DNAH2: variants seen among roughly 807,000 people sequenced by gnomAD.
DNAH2 encodes the protein dynein axonemal heavy chain 2.
Under a neutral mutation model 523.5 loss-of-function variants are expected in DNAH2, and 323 were observed. That is an observed-to-expected ratio of 0.62 (90% CI 0.56 to 0.68). The LOEUF is 0.68. Among genes scored for constraint, DNAH2 ranks in the 30% least tolerant of loss-of-function variants. DNAH2 has a pLI of 0.00. For missense variants in DNAH2, 4,907 were observed against 5,701.5 expected (o/e 0.86, Z 4.49); for synonymous variants, 2,093 against 2,177.4 (o/e 0.96, Z 1.08).
rs745374212 is a variant in DNAH2, at chr17:7,718,786, A to C, written c.-28A>C. 1 of 152,814 alleles carries C rather than the reference A, an allele frequency of 6.5e-6. No homozygotes were observed. The highest frequency in any genetic ancestry group is 1.5e-5 in the Non-Finnish European group (1 of 68,092). 9.5% of individuals were successfully genotyped at this position (152,814 alleles called of 1,614,324 possible). ...GTGTTCCTGCCCCTCAGGACTTCAA[A>C]GCGATAGACCCAGGTGGCAAATACT... On this transcript the variant is annotated 5_prime_UTR_variant, in exon 1 of 86. Transcript: ENST00000572933.
chr17:7,759,949 A>T lies in DNAH2; in HGVS notation c.2785+11A>T. The T allele has an allele frequency of 6.2e-7, 1 of 1,614,194 alleles. No homozygotes were observed. Among genetic ancestry groups the T allele is most frequent in the Non-Finnish European group, 8.5e-7 (1 of 1,180,034 alleles). On this transcript the variant is annotated intron_variant, in intron 17 of 85. Transcript: ENST00000572933. ...TCCAAACAGTTGTGGGTGAGTGGGC[A>T]ACGGGGAGGGCACAAGGCACAGGGT... is the stretch of plus-strand genomic sequence containing the variant.
chr17:7,770,136 C>G (rs2076275516), intron 24 of DNAH2, 116 bp from the exon 25 acceptor site: 1 of 1,377,238 alleles, frequency 7.3e-7, no homozygotes, highest in African/African-American at 1.4e-5. Context: ...GCCTGTTTAG[C>G]AAAATGAGTT....
intron 39 of DNAH2, among the ~76,000 whole-genome samples, chr17:7,784,732 C>T (rs899851748): frequency 6.6e-6 from 1 of 152,092 alleles, no homozygotes; most frequent in African/African-American, 2.4e-5. Flanking sequence ...TGCTATCAGG[C>T]AAAGCAGACT....
Position 7,792,287 on chromosome 17 carries a change from A to G in DNAH2, c.7089A>G (p.Ile2363Met). The change falls in exon 46 of 86, where the codon ATA becomes ATG. Residue 2363 changes from isoleucine to methionine, a missense_variant. By Grantham distance (10) the Ile-to-Met change is conservative. Coordinates refer to ENST00000572933, the MANE Select transcript of DNAH2 (RefSeq NM_020877.5). ...ATGAGTATTTTGTGGACCCCAAAAT[A>G]CGGAGTTGGACATCATTTGAGGACA... ...TVYEYFVDPK[I>M]RSWTSFEDKL... 2 of 1,614,088 alleles carry G rather than the reference A, an allele frequency of 1.2e-6. No individual in the cohort carries two copies. The highest frequency in any genetic ancestry group is 1.7e-6 in the Non-Finnish European group (2 of 1,180,010).
chr17:7,818,891 C>T (rs756440962), intron 70 of DNAH2, 28 bp from the exon 71 acceptor site: 2 of 1,608,506 alleles, frequency 1.2e-6, no homozygotes, highest in African/African-American at 1.3e-5. Context: ...TAACCCCTTG[C>T]TCCATGTGCC....
intron 63 of DNAH2, among the ~76,000 whole-genome samples, chr17:7,814,799 G>A (rs939335816): frequency 1.5e-4 from 23 of 152,222 alleles, no homozygotes; most frequent in African/African-American, 5.3e-4. Flanking sequence ...GCGGTGAGGT[G>A]AGATGTGCCA....
intron 63 of DNAH2, among the ~76,000 whole-genome samples, chr17:7,815,397 C>G (rs1597748134): frequency 6.6e-6 from 1 of 152,338 alleles, no homozygotes; most frequent in East Asian, 1.9e-4. Context: ...CGTGTAAATG[C>G]TATGTGTAAT....
intron 77 of DNAH2, 25 bp downstream of exon 77, chr17:7,824,752 TC>T: frequency 6.8e-7 from 1 of 1,473,972 alleles, no homozygotes. Context: ...AGAACCAGCA[TC>T]ATCAGGGCCA....
rs2076561083 is a variant in DNAH2, at chr17:7,780,047, T to G, written c.5723-110T>G. 7.1e-7 allele frequency: 1 copy of G among 1,409,766 alleles called. No individual in the cohort carries two copies. Among genetic ancestry groups the G allele is most frequent in the Non-Finnish European group, 9.7e-7 (1 of 1,035,868 alleles). The allele number at this position is 1,409,766 out of a possible 1,614,324, so 87.3% of individuals were successfully genotyped here. On this transcript the variant is annotated intron_variant, in intron 36 of 85. Coordinates refer to ENST00000572933, the MANE Select transcript of DNAH2 (RefSeq NM_020877.5). This position sits in a 1 kb window ranked among gnomAD's most constrained non-coding sequence, Gnocchi z 4.4. ...GTGGTCTTGGAGTTGGAGAGAAAGTTAGGGATGGAGTTAGGGTGGGAGAAA... is the reference window on the plus strand; with the variant it reads ...GTGGTCTTGGAGTTGGAGAGAAAGTGAGGGATGGAGTTAGGGTGGGAGAAA...
chr17:7,717,812 GGGAGGGTCAGCGT>G lies in DNAH2; in HGVS notation c.-999_-987del, dbSNP rs1334711246. 6.6e-6 allele frequency: 1 copy of G among 152,580 alleles called. No individual in the cohort carries two copies. Among genetic ancestry groups the G allele is most frequent in the African/African-American group, 2.4e-5 (1 of 41,456 alleles). 9.5% of individuals were successfully genotyped at this position (152,580 alleles called of 1,614,324 possible). A position where few individuals can be genotyped will look rare whatever the true frequency, so the allele number is the denominator to read the frequency against. ...GTGGCCCATCGGTCGGTCTAGGGAG[GGGAGGGTCAGCGT>G]GGCAAGGTGTGTGTCGGGGGCAGAG... On this transcript the variant is annotated 5_prime_UTR_variant, in exon 1 of 86. Transcript: ENST00000572933.
intron 8 of DNAH2, chr17:7,738,063 T>C (rs1281333656): frequency 9.9e-6 from 7 of 703,630 alleles, no homozygotes; most frequent in Non-Finnish European, 1.8e-5. Context: ...CAAGGCTGCA[T>C]TCTCTGTTGT....
chr17:7,729,989 A>G (rs1482721033), intron 4 of DNAH2, among the ~76,000 whole-genome samples: 1 of 152,210 alleles, frequency 6.6e-6, no homozygotes, highest in Non-Finnish European at 1.5e-5. Flanking sequence ...AAGAAATTGC[A>G]TGGTAACTGC....
In DNAH2 at chr17:7,740,449, T is replaced by C; in HGVS notation, c.1406T>C (p.Val469Ala). The C allele has an allele frequency of 1.9e-6, 3 of 1,614,044 alleles. No homozygotes were observed. The highest frequency in any genetic ancestry group is 2.2e-5 in the South Asian group (2 of 91,088). The change falls in exon 10 of 86, where the codon GTG (valine) becomes GCG (alanine). Residue 469 changes from valine (V) to alanine (A), a missense_variant. By Grantham distance (64) the Val-to-Ala change is moderately conservative. Around this residue, in one of 3 missense-constraint regions of DNAH2, gnomAD observed 2,806 missense variants for 3,190.8 expected, o/e 0.88. Coordinates refer to ENST00000572933, the MANE Select transcript of DNAH2 (RefSeq NM_020877.5). Reference protein sequence around the residue: ...KFRAGIKDLEVMTQNLITSAF... With the variant: ...KFRAGIKDLEAMTQNLITSAF... ...CGTGCCGGAATCAAGGACCTGGAGG[T>C]GATGACCCAGAACCTGATCACCTCA...
intron 58 of DNAH2, among the ~76,000 whole-genome samples, chr17:7,802,622 G>A (rs1239722900): frequency 1.3e-5 from 2 of 152,074 alleles, no homozygotes; most frequent in Non-Finnish European, 2.9e-5. Flanking sequence ...ATAATGACAA[G>A]AAGAAAAAGT....
chr17:7,726,688 T>C (rs1229039388), intron 3 of DNAH2, among the ~76,000 whole-genome samples: 1 of 152,148 alleles, frequency 6.6e-6, no homozygotes, highest in Non-Finnish European at 1.5e-5. Flanking sequence ...TTTACACTTC[T>C]TTTGGACTCC....
rs188674348 is a variant in DNAH2 at position 7,767,066 on chromosome 17, G to A, written c.3675+585G>A. Among the ~76,000 whole-genome samples the A allele has an allele frequency of 4.8e-3, 727 of 151,942 alleles. 9 individuals are homozygous for A. The highest frequency in any genetic ancestry group is 0.017 in the African/African-American group (685 of 41,392). Reference sequence around the variant, plus strand: ...AAACTCTGCCCATTAGCAGTCACGTGCATCCCCCGTCCCCCGCCCCAGTCC... The same window carrying A: ...AAACTCTGCCCATTAGCAGTCACGTACATCCCCCGTCCCCCGCCCCAGTCC... On this transcript the variant is annotated intron_variant, in intron 22 of 85. Coordinates refer to ENST00000572933, the MANE Select transcript of DNAH2 (RefSeq NM_020877.5).
rs1369365565 is a variant in DNAH2, at chr17:7,760,360, A to G, written c.2786-380A>G. Among the ~76,000 whole-genome samples the G allele has an allele frequency of 6.9e-6, 1 of 144,498 alleles. No individual in the cohort carries two copies. Among genetic ancestry groups the G allele is most frequent in the Admixed American group, 6.9e-5 (1 of 14,450 alleles). 94.8% of individuals were successfully genotyped at this position (144,498 alleles called of 152,430 possible). ...TGGGTGACAGAGTGAGACTCCATCT[A>G]AAAAAAAAAACAAAAACAGGGGGGC... On this transcript the variant is annotated intron_variant, in intron 17 of 85. Coordinates refer to ENST00000572933, the MANE Select transcript of DNAH2 (RefSeq NM_020877.5). This position sits in a 1 kb window ranked among gnomAD's most constrained non-coding sequence, Gnocchi z 4.0.
chr17:7,758,046 TAAA>T (rs1292983797), intron 13 of DNAH2, among the ~76,000 whole-genome samples: 1 of 152,212 alleles, frequency 6.6e-6, no homozygotes, highest in Non-Finnish European at 1.5e-5. Flanking sequence ...TCAGCCCAGT[TAAA>T]GTCCAAGGAG....
At chr17:7,775,078 G>C (rs921065771) in intron 29 of DNAH2, 102 bp downstream of exon 29, 49 of 1,296,476 alleles carry the variant, frequency 3.8e-5, no homozygotes, top group Non-Finnish European at 5.0e-5. Flanking sequence ...GGAGGGCCAT[G>C]TTAATTAATG....
Sources: allele counts gnomAD v4.1 joint callset (sites outside exome capture counted in the v4.1 genomes callset), GRCh38; gene constraint gnomAD v4.1.1; regional missense constraint gnomAD v4.1.1; non-coding constraint Gnocchi (gnomAD v3.1); transcripts MANE v1.5; gene names NCBI Gene and HGNC (gene_info 2026-07-23, HGNC 2026-07-21).